Variants in PFKP observed in about 807,000 individuals in gnomAD.
PFKP encodes ATP-dependent 6-phosphofructokinase, platelet type.
In PFKP, 101 loss-of-function variants were observed where a neutral mutation model predicts 94.3. The observed-to-expected ratio is 1.07, with a 90% CI of 0.91 to 1.26. The LOEUF is 1.26. PFKP is among the 50% of genes most tolerant of loss of function. The pLI is 0.00. For synonymous variants in PFKP, 573 were observed against 432.6 expected (o/e 1.32, Z -4.03); for missense variants, 1,145 against 1,103.3 (o/e 1.04, Z -0.53).
At chr10:3,111,694 C>T (rs1294566394) in intron 10 of PFKP, among the ~76,000 whole-genome samples, 3 of 152,084 alleles carry the variant, frequency 2.0e-5, no homozygotes, top group Admixed American at 6.5e-5. Flanking sequence ...GACCAAGATC[C>T]TGACGTTGCC....
At chr10:3,133,563 T>C (rs778923913) in intron 19 of PFKP, among the ~76,000 whole-genome samples, 43 of 152,210 alleles carry the variant, frequency 2.8e-4, no homozygotes, top group Non-Finnish European at 4.9e-4. Context: ...CCCGAGGAGA[T>C]GGCAGTATAG....
chr10:3,081,629 C>T (rs2131417723), intron 1 of PFKP, among the ~76,000 whole-genome samples: 1 of 152,324 alleles, frequency 6.6e-6, no homozygotes, highest in Non-Finnish European at 1.5e-5. Flanking sequence ...CCTCCAGGCC[C>T]AGAGGTGGTT....
intron 3 of PFKP, 47 bp from the exon 4 acceptor site, chr10:3,101,318 C>T (rs377076851): frequency 4.2e-5 from 61 of 1,454,806 alleles, no homozygotes; most frequent in Admixed American, 1.3e-4. Flanking sequence ...ATCCACCTGG[C>T]GCTCTCTCAG....
chr10:3,073,849 T>G (rs1490049328), intron 1 of PFKP, among the ~76,000 whole-genome samples: 1 of 152,150 alleles, frequency 6.6e-6, no homozygotes, highest in Non-Finnish European at 1.5e-5. Context: ...TTTGTTTGTT[T>G]GTTTTTGAGA....
intron 1 of PFKP, among the ~76,000 whole-genome samples, chr10:3,079,170 G>A (rs1321338893): frequency 6.6e-6 from 1 of 152,152 alleles, no homozygotes; most frequent in Non-Finnish European, 1.5e-5. Context: ...TTCAGCGATT[G>A]AGTTTAGTGC....
At position 3,105,389 on chromosome 10, in the gene PFKP, A is replaced by C; in HGVS notation, c.666-4A>C. 3 of 1,611,434 alleles carry C rather than the reference A, an allele frequency of 1.9e-6. No individual in the cohort carries two copies. The highest frequency in any genetic ancestry group is 2.5e-6 in the Non-Finnish European group (3 of 1,177,766). ...GTGTTGATGCTGTTGCCTTGTCCAC[A>C]TAGGTACCTGGCCCTGGTGAGTGCC... is the stretch of plus-strand genomic sequence containing the variant. On this transcript the variant is annotated splice_region_variant and splice_polypyrimidine_tract_variant and intron_variant, in intron 6 of 21. Transcript: ENST00000381125.
At chr10:3,133,955 C>A (rs1421499952) in intron 19 of PFKP, among the ~76,000 whole-genome samples, 1 of 152,188 alleles carries the variant, frequency 6.6e-6, no homozygotes, top group Non-Finnish European at 1.5e-5. Flanking sequence ...ATACTTGACA[C>A]CCCAAGTCAG....
At chr10:3,092,775 C>T (rs982253492) in intron 2 of PFKP, among the ~76,000 whole-genome samples, 1 of 152,210 alleles carries the variant, frequency 6.6e-6, no homozygotes, top group Admixed American at 6.5e-5. Flanking sequence ...AAATGAAGCT[C>T]CTGCTTTTAC....
chr10:3,108,825 G>A, intron 9 of PFKP, 32 bp downstream of exon 9: 3 of 1,463,756 alleles, frequency 2.0e-6, no homozygotes, highest in Middle Eastern at 1.7e-4. Flanking sequence ...ATCTTCACAA[G>A]GTCTCTAGGA....
intron 3 of PFKP, among the ~76,000 whole-genome samples, chr10:3,100,480 T>C (rs1048620372): frequency 2.0e-5 from 3 of 152,194 alleles, no homozygotes; most frequent in African/African-American, 7.2e-5. Context: ...AGTGAGTCTC[T>C]GTGTGTGAAA....
chr10:3,119,733 G>A (rs1013252651), intron 15 of PFKP, among the ~76,000 whole-genome samples, 159 bp from the exon 16 acceptor site: 4 of 152,056 alleles, frequency 2.6e-5, no homozygotes, highest in African/African-American at 9.7e-5. Flanking sequence ...CCTTGTCTGT[G>A]GTCTTAAGGC....
intron 16 of PFKP, 51 bp from the exon 17 acceptor site, chr10:3,129,767 TG>T: frequency 6.3e-7 from 1 of 1,595,286 alleles, no homozygotes. Flanking sequence ...TCTGGGATGG[TG>T]GGCGCGCCCC....
At chr10:3,113,701 C>T (rs975603241) in intron 13 of PFKP, among the ~76,000 whole-genome samples, 183 bp downstream of exon 13, 5 of 152,132 alleles carry the variant, frequency 3.3e-5, no homozygotes, top group Non-Finnish European at 7.3e-5. Flanking sequence ...GTTTCAGGCC[C>T]TCAGATGGAG....
intron 16 of PFKP, among the ~76,000 whole-genome samples, chr10:3,126,786 C>A (rs1026857314): frequency 6.6e-6 from 1 of 152,274 alleles, no homozygotes; most frequent in South Asian, 2.1e-4. Flanking sequence ...GATGTTTGAA[C>A]TGTAGCCTGG....
chr10:3,124,146 A>G (rs1759817564), intron 16 of PFKP, among the ~76,000 whole-genome samples: 1 of 152,180 alleles, frequency 6.6e-6, no homozygotes, highest in South Asian at 2.1e-4. Flanking sequence ...CAGATCGCTC[A>G]CTGTCCGACT....
chr10:3,086,105 T>C (rs1194589796), intron 2 of PFKP, among the ~76,000 whole-genome samples: 1 of 152,140 alleles, frequency 6.6e-6, no homozygotes, highest in East Asian at 1.9e-4. Flanking sequence ...GGATGGAGTA[T>C]CCTGGGAGGA....
chr10:3,134,464 T>A lies in PFKP; in HGVS notation c.2023-19T>A. On this transcript the variant is annotated intron_variant, in intron 19 of 21. Transcript: ENST00000381125. ...GTTACTGTATAACTGGTATTTCATA[T>A]AACTCTAACCACCAACAGGGTGGGG... 6.9e-7 allele frequency: 1 copy of A among 1,441,560 alleles called. No individual in the cohort carries two copies. Among genetic ancestry groups the A allele is most frequent in the Non-Finnish European group, 9.8e-7 (1 of 1,023,486 alleles). 89.3% of individuals were successfully genotyped at this position (1,441,560 alleles called of 1,614,324 possible).
intron 13 of PFKP, among the ~76,000 whole-genome samples, chr10:3,114,004 T>C (rs1447460193): frequency 6.6e-6 from 1 of 152,104 alleles, no homozygotes; most frequent in East Asian, 1.9e-4. Context: ...AAATCTAAGA[T>C]GTTATCCCCA....
intron 7 of PFKP, among the ~76,000 whole-genome samples, chr10:3,106,137 G>A (rs1439874496): frequency 3.6e-5 from 5 of 140,714 alleles, no homozygotes; most frequent in African/African-American, 1.2e-4. Flanking sequence ...CAGGCTTCGG[G>A]GCCTCCCCTG....
Sources: allele counts gnomAD v4.1 joint callset (sites outside exome capture counted in the v4.1 genomes callset), GRCh38; gene constraint gnomAD v4.1.1; transcripts MANE v1.5; gene names NCBI Gene and HGNC (gene_info 2026-07-23, HGNC 2026-07-21).